The following ENTPD1 variants were observed in gnomAD, a reference collection of about 807,000 sequenced individuals.
ENTPD1 encodes ATP diphosphohydrolase.
Under a neutral mutation model 57.0 loss-of-function variants are expected in ENTPD1, and 33 were observed. That is an observed-to-expected ratio of 0.58 (90% CI 0.44 to 0.77). ENTPD1 has a LOEUF of 0.77. ENTPD1 is among the 30% of genes least tolerant of loss of function. The probability of loss-of-function intolerance (pLI) is 0.00; values close to 1 mark genes in which losing one functional copy is unlikely to be tolerated. For synonymous variants in ENTPD1, 202 were observed against 218.8 expected, an observed-to-expected ratio of 0.92 and a Z score of 0.68; for missense variants, 501 against 603.4, an observed-to-expected ratio of 0.83 and a Z score of 1.78.
At chr10:95,765,654 G>C (rs1006343097) in intron 1 of ENTPD1, among the ~76,000 whole-genome samples, 1 of 152,014 alleles carries the variant, frequency 6.6e-6, no homozygotes, top group Non-Finnish European at 1.5e-5. Flanking sequence ...TTTAAATATT[G>C]TTTGGGGTAT....
chr10:95,800,256 G>A (rs1355296667), intron 1 of ENTPD1, among the ~76,000 whole-genome samples: 1 of 152,066 alleles, frequency 6.6e-6, no homozygotes, highest in African/African-American at 2.4e-5. Context: ...CGTATTGGTA[G>A]GACTGTGATG....
chr10:95,825,858 G>A (rs1421613132), intron 2 of ENTPD1, among the ~76,000 whole-genome samples: 10 of 152,174 alleles, frequency 6.6e-5, no homozygotes, highest in Admixed American at 5.9e-4. Context: ...GATTACAGGC[G>A]TGAGCCACCG....
At chr10:95,703,648 G>GGT in the ENTPD1 span, among the ~76,000 whole-genome samples, 1 of 152,062 alleles carries the variant, frequency 6.6e-6, no homozygotes, top group Non-Finnish European at 1.5e-5. Context: ...CAGGCGTGGT[G>GGT]GCAGGCGCCT....
chr10:95,838,983 C>T (rs552723612), intron 2 of ENTPD1, among the ~76,000 whole-genome samples: 8 of 152,128 alleles, frequency 5.3e-5, no homozygotes, highest in South Asian at 2.1e-4. Context: ...AGTTTAAGTA[C>T]ATATATTGTA....
intron 1 of ENTPD1, among the ~76,000 whole-genome samples, chr10:95,731,781 C>CTT (rs34841311): frequency 1.4e-4 from 11 of 79,174 alleles, no homozygotes; most frequent in East Asian, 6.0e-4. Context: ...AGTGGACATC[C>CTT]TTTTTTTTTT....
intron 1 of ENTPD1, among the ~76,000 whole-genome samples, chr10:95,733,352 T>G (rs1315173923): frequency 6.6e-6 from 1 of 152,212 alleles, no homozygotes; most frequent in Non-Finnish European, 1.5e-5. Context: ...TGCCCAGATT[T>G]CATATTGTTT....
At chr10:95,813,004 T>G (rs1042285042) in intron 1 of ENTPD1, among the ~76,000 whole-genome samples, 4 of 152,230 alleles carry the variant, frequency 2.6e-5, no homozygotes, top group African/African-American at 9.7e-5. Flanking sequence ...AAAATGACGC[T>G]TATATATTAG....
chr10:95,728,937 T>C (rs571164976), intron 1 of ENTPD1, among the ~76,000 whole-genome samples: 23 of 152,320 alleles, frequency 1.5e-4, no homozygotes, highest in African/African-American at 5.5e-4. Context: ...TAGAGTTACA[T>C]ATATTTTATG....
upstream of ENTPD1, among the ~76,000 whole-genome samples, chr10:95,750,875 T>A (rs1769494859): frequency 6.6e-6 from 1 of 152,014 alleles, no homozygotes; most frequent in East Asian, 1.9e-4. Context: ...ATACAAAAAT[T>A]AGCCGGCCAT....
intron 1 of ENTPD1, among the ~76,000 whole-genome samples, chr10:95,767,830 C>T (rs7893677): frequency 0.23 from 35,372 of 151,954 alleles, 4,883 homozygotes; most frequent in African/African-American, 0.38. Context: ...TGAATATGTC[C>T]CCCCAAAAGC....
Position 95,871,109 on chromosome 10 carries a change from T to A in ENTPD1, c.*4726T>A, listed in dbSNP as rs757290974. 8.1e-6 allele frequency: 8 copies of A among 985,476 alleles called. No homozygotes were observed. Among genetic ancestry groups the A allele is most frequent in the Non-Finnish European group, 9.6e-6 (8 of 829,944 alleles). The allele number at this position is 985,476 out of a possible 1,614,324, so 61.0% of individuals were successfully genotyped here. A position where few individuals can be genotyped will look rare whatever the true frequency, so the allele number is the denominator to read the frequency against. On this transcript the variant is annotated 3_prime_UTR_variant, in exon 10 of 10. Coordinates refer to ENST00000371205, the MANE Select transcript of ENTPD1 (RefSeq NM_001776.6). ...CTGTCACAGGCTATTGTAAGTCATA[T>A]GAGCAAGCTCAATAAAATATAAACA...
chr10:95,708,826 ATGTT>A (rs754423519), upstream of ENTPD1, among the ~76,000 whole-genome samples: 50 of 152,222 alleles, frequency 3.3e-4, no homozygotes, highest in Non-Finnish European at 5.9e-4. Context: ...AAGTTAAACA[ATGTT>A]TGTGTGGTAG....
upstream of ENTPD1, among the ~76,000 whole-genome samples, chr10:95,707,305 C>T (rs1026227338): frequency 9.2e-5 from 14 of 152,314 alleles, no homozygotes; most frequent in African/African-American, 3.1e-4. Context: ...GAGCTTCTAC[C>T]TGCTCCATAG....
At chr10:95,789,996 C>T (rs1465237200) in intron 1 of ENTPD1, among the ~76,000 whole-genome samples, 1 of 152,176 alleles carries the variant, frequency 6.6e-6, no homozygotes, top group African/African-American at 2.4e-5. Context: ...TAGTACAACA[C>T]TGTAAACTTT....
At chr10:95,709,009 T>C (rs142831366), upstream of ENTPD1, among the ~76,000 whole-genome samples, 15 of 152,334 alleles carry the variant, frequency 9.8e-5, no homozygotes, top group Middle Eastern at 3.4e-3. Flanking sequence ...TGTAGAATCA[T>C]TGTCATCAGC....
chr10:95,850,045 A>C (rs2098442214), intron 7 of ENTPD1, among the ~76,000 whole-genome samples: 1 of 152,180 alleles, frequency 6.6e-6, no homozygotes, highest in East Asian at 1.9e-4. Context: ...TTTCCTCCTT[A>C]GGGGACTGAA....
At chr10:95,829,990 GTGCCACCTCGGGACTC>G (rs1202659877) in intron 2 of ENTPD1, among the ~76,000 whole-genome samples, 4 of 152,110 alleles carry the variant, frequency 2.6e-5, no homozygotes, top group Non-Finnish European at 5.9e-5. Flanking sequence ...GTGATGCCCT[GTGCCACCTCGGGACTC>G]TGCAGAGAGT....
chr10:95,784,863 G>A (rs1676593120), intron 1 of ENTPD1, among the ~76,000 whole-genome samples: 1 of 152,184 alleles, frequency 6.6e-6, no homozygotes, highest in Non-Finnish European at 1.5e-5. Flanking sequence ...TGGGGGTTTG[G>A]CAGGAGTGGC....
Position 95,869,232 on chromosome 10 carries a change from A to C in ENTPD1, c.*2849A>C. 1.1e-6 allele frequency: 1 copy of C among 875,278 alleles called. No individual in the cohort carries two copies. The highest frequency in any genetic ancestry group is 1.9e-5 in the African/African-American group (1 of 52,412). The allele number at this position is 875,278 out of a possible 1,614,324, so 54.2% of individuals were successfully genotyped here. ...TATAGGGGAGAAAAAAGATCAGCAG[A>C]AGTCATTACTTTTTTTTTTTTTTTT... is the stretch of plus-strand genomic sequence containing the variant. On this transcript the variant is annotated 3_prime_UTR_variant, in exon 10 of 10. Transcript: ENST00000371205.
Sources: gnomAD v4.1 joint callset for allele counts (sites outside exome capture counted in the v4.1 genomes callset) on GRCh38, gnomAD v4.1.1 for gene constraint, MANE v1.5 for transcripts, NCBI Gene and HGNC (gene_info 2026-07-23, HGNC 2026-07-21) for gene names.